Variants in IGF2BP2 observed in about 807,000 individuals in gnomAD.
IGF2BP2 encodes insulin-like growth factor 2 mRNA-binding protein 2.
In IGF2BP2, 17 loss-of-function variants were observed where a neutral mutation model predicts 75.8. The observed-to-expected ratio is 0.22, with a 90% CI of 0.15 to 0.34. The LOEUF is 0.34. IGF2BP2 is among the 10% of genes least tolerant of loss of function. The probability of loss-of-function intolerance (pLI) is 1.00; values close to 1 mark genes in which losing one functional copy is unlikely to be tolerated. For synonymous variants in IGF2BP2, 288 were observed against 295.6 expected (o/e 0.97, Z 0.26); for missense variants, 516 against 772.4 (o/e 0.67, Z 3.93).
intron 2 of IGF2BP2, among the ~76,000 whole-genome samples, chr3:185,730,016 G>A (rs1286915822): frequency 1.3e-5 from 2 of 152,174 alleles, no homozygotes; most frequent in East Asian, 3.8e-4. Context: ...TATGTGTGCA[G>A]GTTTGTTACG....
chr3:185,759,173 T>A (rs1361454718), intron 2 of IGF2BP2, among the ~76,000 whole-genome samples: 1 of 152,158 alleles, frequency 6.6e-6, no homozygotes, highest in African/African-American at 2.4e-5. Flanking sequence ...TTACTATGAA[T>A]AAGAGTGCCA....
chr3:185,655,996 C>T (rs1319015980), intron 12 of IGF2BP2, among the ~76,000 whole-genome samples: 1 of 152,254 alleles, frequency 6.6e-6, no homozygotes, highest in Non-Finnish European at 1.5e-5. Flanking sequence ...CACATGTGTG[C>T]CTTGCCCATG....
Position 185,687,307 on chromosome 3 carries a change from C to T in IGF2BP2, c.678-116G>A, listed in dbSNP as rs934662214. Reference sequence around the variant, plus strand: ...AGGACACAGACAGACAAGGAGGCGTCATCAGCACGTTTGCAATCAGTGCCA... The same window carrying T: ...AGGACACAGACAGACAAGGAGGCGTTATCAGCACGTTTGCAATCAGTGCCA... On this transcript the variant is annotated intron_variant, in intron 6 of 15. Coordinates refer to ENST00000382199, the MANE Select transcript of IGF2BP2 (RefSeq NM_006548.6). 1.4e-5 allele frequency: 15 copies of T among 1,075,300 alleles called. No individual in the cohort carries two copies. In the Admixed American group the frequency reaches 1.7e-4, roughly 12 times the overall value. 66.6% of individuals were successfully genotyped at this position (1,075,300 alleles called of 1,614,324 possible). A position where few individuals can be genotyped will look rare whatever the true frequency, so the allele number is the denominator to read the frequency against.
intron 7 of IGF2BP2, among the ~76,000 whole-genome samples, chr3:185,683,976 T>C (rs926788410): frequency 3.9e-5 from 6 of 152,212 alleles, no homozygotes; most frequent in African/African-American, 1.4e-4. Context: ...TTATGTGACA[T>C]GACATCCTTT....
intron 2 of IGF2BP2, among the ~76,000 whole-genome samples, chr3:185,817,389 C>T (rs1740749216): frequency 6.6e-6 from 1 of 152,176 alleles, no homozygotes; most frequent in Non-Finnish European, 1.5e-5. Context: ...AATATACCAT[C>T]AAACTCTAAA....
intron 2 of IGF2BP2, among the ~76,000 whole-genome samples, chr3:185,709,306 T>C (rs1044178332): frequency 6.6e-6 from 1 of 152,246 alleles, no homozygotes; most frequent in African/African-American, 2.4e-5. Context: ...CAAACAGCAC[T>C]TGAATCTGTC....
At chr3:185,780,766 T>C (rs1251885980) in intron 2 of IGF2BP2, among the ~76,000 whole-genome samples, 1 of 152,178 alleles carries the variant, frequency 6.6e-6, no homozygotes, top group Non-Finnish European at 1.5e-5. Context: ...TAATAATATA[T>C]TTTTAAGATC....
At chr3:185,671,131 C>G (rs1441772176) in intron 10 of IGF2BP2, among the ~76,000 whole-genome samples, 1 of 152,202 alleles carries the variant, frequency 6.6e-6, no homozygotes, top group Non-Finnish European at 1.5e-5. Context: ...ATGTGACTGA[C>G]AGCTGCCACA....
intron 4 of IGF2BP2, chr3:185,696,374 G>GA: frequency 1.9e-6 from 1 of 529,324 alleles, no homozygotes; most frequent in Non-Finnish European, 3.4e-6. Flanking sequence ...CAGTATATGA[G>GA]AAACAGCTTG....
intron 2 of IGF2BP2, among the ~76,000 whole-genome samples, chr3:185,795,142 C>A (rs1244727688): frequency 1.3e-5 from 2 of 152,262 alleles, no homozygotes; most frequent in South Asian, 4.1e-4. Context: ...CGTGATCCAC[C>A]CACCTCGGCC....
chr3:185,749,750 G>T (rs1289220259), intron 2 of IGF2BP2, among the ~76,000 whole-genome samples: 1 of 152,184 alleles, frequency 6.6e-6, no homozygotes, highest in Non-Finnish European at 1.5e-5. Flanking sequence ...GCCAGGATAT[G>T]ATCTCTCATT....
intron 4 of IGF2BP2, 148 bp downstream of exon 4, chr3:185,696,464 C>A: frequency 1.5e-6 from 1 of 656,128 alleles, no homozygotes; most frequent in Non-Finnish European, 2.7e-6. Flanking sequence ...ATGTAAGATA[C>A]ATCTTACATA....
chr3:185,742,548 T>C (rs1183272167), intron 2 of IGF2BP2, among the ~76,000 whole-genome samples: 2 of 152,000 alleles, frequency 1.3e-5, no homozygotes, highest in Admixed American at 6.6e-5. Flanking sequence ...TCCCAGCTAC[T>C]TGGGAGGCTG....
chr3:185,740,701 G>C (rs1237875043), intron 2 of IGF2BP2, among the ~76,000 whole-genome samples: 1 of 152,080 alleles, frequency 6.6e-6, no homozygotes, highest in Admixed American at 6.5e-5. Flanking sequence ...CAGAACCATA[G>C]GTGTCTTACT....
chr3:185,661,317 T>C (rs1716396033), intron 10 of IGF2BP2, among the ~76,000 whole-genome samples: 1 of 152,116 alleles, frequency 6.6e-6, no homozygotes, highest in Admixed American at 6.5e-5. Context: ...AGTACTGTTG[T>C]GAGGGTTTGT....
intron 2 of IGF2BP2, among the ~76,000 whole-genome samples, chr3:185,813,524 AT>A (rs1161949365): frequency 2.6e-5 from 4 of 152,234 alleles, no homozygotes; most frequent in Non-Finnish European, 5.9e-5. Context: ...AGGCCAGATT[AT>A]TTATGTATCC....
At chr3:185,778,049 G>A (rs999060851) in intron 2 of IGF2BP2, among the ~76,000 whole-genome samples, 3 of 151,446 alleles carry the variant, frequency 2.0e-5, no homozygotes, top group African/African-American at 7.3e-5. Context: ...GTGGAGGCTC[G>A]CTGAGCATTG....
chr3:185,708,027 C>T (rs1409962102), intron 2 of IGF2BP2, among the ~76,000 whole-genome samples: 1 of 152,172 alleles, frequency 6.6e-6, no homozygotes. Context: ...AAGGTTTTCC[C>T]AAATCACCAT....
intron 1 of IGF2BP2, among the ~76,000 whole-genome samples, chr3:185,824,083 A>G (rs1444017550): frequency 6.6e-6 from 1 of 151,844 alleles, no homozygotes; most frequent in African/African-American, 2.4e-5. Flanking sequence ...AAAAATTCAG[A>G]GAAAAATAGG....
Sources: allele counts gnomAD v4.1 joint callset (sites outside exome capture counted in the v4.1 genomes callset), GRCh38; gene constraint gnomAD v4.1.1; transcripts MANE v1.5; gene names NCBI Gene and HGNC (gene_info 2026-07-23, HGNC 2026-07-21).